The following CRY1 variants were observed in gnomAD, a reference collection of about 807,000 sequenced individuals.
CRY1 encodes the protein cryptochrome circadian regulator 1.
In CRY1, 45 loss-of-function variants were observed where a neutral mutation model predicts 76.0. The observed-to-expected ratio is 0.59, with a 90% CI of 0.47 to 0.76. CRY1 has a LOEUF of 0.76. Ranked by LOEUF, CRY1 falls within the 30% of genes least tolerant of loss-of-function variation. CRY1 has a pLI of 0.00. For synonymous variants in CRY1, 248 were observed against 244.0 expected, an observed-to-expected ratio of 1.02 and a Z score of -0.15; for missense variants, 587 against 716.4, an observed-to-expected ratio of 0.82 and a Z score of 2.06.
intron 1 of CRY1, among the ~76,000 whole-genome samples, chr12:107,080,635 G>A (rs1390369260): frequency 6.6e-6 from 1 of 151,662 alleles, no homozygotes; most frequent in Non-Finnish European, 1.5e-5. Context: ...GTGGTCAAAT[G>A]TGTCAAACAT....
intron 1 of CRY1, among the ~76,000 whole-genome samples, chr12:107,038,926 C>A (rs941077622): frequency 1.3e-5 from 2 of 152,178 alleles, no homozygotes; most frequent in African/African-American, 2.4e-5. Flanking sequence ...AATGTTCCAT[C>A]CCTCCCAGCT....
At chr12:107,002,002 G>A in intron 3 of CRY1, 54 bp from the exon 4 acceptor site, 1 of 1,445,972 alleles carries the variant, frequency 6.9e-7, no homozygotes, top group Non-Finnish European at 9.3e-7. Context: ...AATACATTTT[G>A]GCTAATAAGC....
In CRY1 at chr12:106,997,434, C is replaced by A. The variant is rs755106468; in HGVS notation, c.1493-48G>T. ...TTTAAATTATGATCAAGATAAAATT[C>A]AAAGATAAGTACATAAACAGCTGCC... On this transcript the variant is annotated intron_variant, in intron 9 of 12. Transcript: ENST00000008527. 1.9e-6 allele frequency: 3 copies of A among 1,611,858 alleles called. No homozygotes were observed. The South Asian group carries it at 3.3e-5, about 18-fold the overall frequency.
In CRY1 at chr12:107,093,170, G is replaced by T. The variant is rs1953497563; in HGVS notation, c.-209C>A. ...TGGAAAGATGAATGGAGGTTGCCTAGTCGGCGGAGTCCGGGTGTGACGCCC... is the reference window on the plus strand; with the variant it reads ...TGGAAAGATGAATGGAGGTTGCCTATTCGGCGGAGTCCGGGTGTGACGCCC... On this transcript the variant is annotated 5_prime_UTR_variant, in exon 1 of 13. Transcript: ENST00000008527. The T allele has an allele frequency of 3.6e-6, 2 of 551,688 alleles. No homozygotes were observed. The highest frequency in any genetic ancestry group is 6.0e-6 in the Non-Finnish European group (2 of 332,992). 34.2% of individuals were successfully genotyped at this position (551,688 alleles called of 1,614,324 possible).
intron 1 of CRY1, among the ~76,000 whole-genome samples, chr12:107,056,325 A>T (rs1268056382): frequency 6.6e-6 from 1 of 152,218 alleles, no homozygotes; most frequent in Admixed American, 6.5e-5. Flanking sequence ...ATAAAAAGTA[A>T]AGAATTTATA....
intron 1 of CRY1, among the ~76,000 whole-genome samples, chr12:107,087,364 A>G (rs1276859924): frequency 6.6e-6 from 1 of 152,208 alleles, no homozygotes. Context: ...CCAATCCATG[A>G]AAGAAGCCAT....
intron 2 of CRY1, among the ~76,000 whole-genome samples, chr12:107,016,842 G>A (rs577924706): frequency 1.3e-5 from 2 of 151,962 alleles, no homozygotes; most frequent in Non-Finnish European, 2.9e-5. Context: ...TCTGCCATGC[G>A]TCCAGGCTAA....
At chr12:107,003,816 T>C (rs1027497547) in intron 3 of CRY1, among the ~76,000 whole-genome samples, 8 of 151,976 alleles carry the variant, frequency 5.3e-5, no homozygotes, top group African/African-American at 1.7e-4. Context: ...GATTTTTTTT[T>C]TTTTTTTTGA....
At chr12:107,010,514 G>A (rs56756359) in intron 2 of CRY1, among the ~76,000 whole-genome samples, 18,252 of 152,154 alleles carry the variant, frequency 0.12, 1,816 homozygotes, top group African/African-American at 0.26. Flanking sequence ...TTTCCCAAAA[G>A]CATGTGCTCA....
chr12:107,058,816 T>C (rs1430934158), intron 1 of CRY1, among the ~76,000 whole-genome samples: 1 of 152,210 alleles, frequency 6.6e-6, no homozygotes, highest in Non-Finnish European at 1.5e-5. Context: ...GAATAAGGAT[T>C]CTAATACCAA....
At chr12:107,077,459 A>C (rs1208309169) in intron 1 of CRY1, among the ~76,000 whole-genome samples, 1 of 152,216 alleles carries the variant, frequency 6.6e-6, no homozygotes, top group African/African-American at 2.4e-5. Flanking sequence ...ACCCAAGGTC[A>C]GTCCCACGGC....
At chr12:107,007,218 T>C (rs1297697285) in intron 2 of CRY1, among the ~76,000 whole-genome samples, 4 of 152,164 alleles carry the variant, frequency 2.6e-5, no homozygotes, top group African/African-American at 9.7e-5. Context: ...AGTGAGGTAG[T>C]ATAGAATAGT....
chr12:107,019,569 G>C (rs1300931446), intron 2 of CRY1, among the ~76,000 whole-genome samples: 1 of 152,062 alleles, frequency 6.6e-6, no homozygotes, highest in African/African-American at 2.4e-5. Flanking sequence ...TCAAAACAAA[G>C]AACACAAAAC....
Position 106,997,475 on chromosome 12 carries a change from G to A in CRY1, c.1492+13C>T, listed in dbSNP as rs1384514950. ...AACAGCTGCCAAAGAAACAAAGACA[G>A]TTCTTAACATACCTAGTCCTCTATA... is the stretch of plus-strand genomic sequence containing the variant. On this transcript the variant is annotated intron_variant, in intron 9 of 12. Transcript: ENST00000008527. 2 of 1,613,546 alleles carry A rather than the reference G, an allele frequency of 1.2e-6. No homozygotes were observed. The highest frequency in any genetic ancestry group is 8.5e-7 in the Non-Finnish European group (1 of 1,179,810).
intron 1 of CRY1, among the ~76,000 whole-genome samples, chr12:107,091,382 T>C (rs1181584704): frequency 2.0e-5 from 3 of 152,150 alleles, no homozygotes; most frequent in Non-Finnish European, 4.4e-5. Flanking sequence ...AAATACCCTG[T>C]ATTTTGCCTT....
chr12:107,074,884 G>A (rs998046372), intron 1 of CRY1, among the ~76,000 whole-genome samples: 9 of 152,068 alleles, frequency 5.9e-5, no homozygotes, highest in African/African-American at 2.2e-4. Flanking sequence ...GTGTGATGGC[G>A]CATGCCTATA....
intron 1 of CRY1, among the ~76,000 whole-genome samples, chr12:107,071,718 T>C (rs1175785455): frequency 1.3e-5 from 2 of 152,074 alleles, no homozygotes; most frequent in South Asian, 4.1e-4. Context: ...AAAATAAATA[T>C]CTATTAGTAA....
intron 1 of CRY1, among the ~76,000 whole-genome samples, chr12:107,065,996 A>G (rs1953105342): frequency 1.3e-5 from 2 of 152,244 alleles, no homozygotes; most frequent in African/African-American, 4.8e-5. Flanking sequence ...AGCACAGTCT[A>G]TGACTATGTT....
chr12:107,082,759 A>T (rs563724279), intron 1 of CRY1, among the ~76,000 whole-genome samples: 1 of 152,298 alleles, frequency 6.6e-6, no homozygotes, highest in South Asian at 2.1e-4. Flanking sequence ...TCTAAAATCG[A>T]CACCCTAACA....
Sources: allele counts gnomAD v4.1 joint callset (sites outside exome capture counted in the v4.1 genomes callset), GRCh38; gene constraint gnomAD v4.1.1; transcripts MANE v1.5; gene names NCBI Gene and HGNC (gene_info 2026-07-23, HGNC 2026-07-21).